COL5A1: variants seen among roughly 807,000 people sequenced by gnomAD.
COL5A1 encodes collagen alpha-1(V) chain.
Under a neutral mutation model 263.7 loss-of-function variants are expected in COL5A1, and 16 were observed. That is an observed-to-expected ratio of 0.06 (90% confidence interval 0.04 to 0.09). The LOEUF is 0.09. Among genes scored for constraint, COL5A1 ranks in the 10% least tolerant of loss-of-function variants. COL5A1 has a pLI of 1.00. For missense variants in COL5A1, 2,036 were observed against 2,540.5 expected (o/e 0.80, Z 4.27); for synonymous variants, 1,012 against 1,004.5 (o/e 1.01, Z -0.14).
intron 7 of COL5A1, among the ~76,000 whole-genome samples, chr9:134,731,227 G>A (rs1036680796): frequency 6.6e-6 from 1 of 152,226 alleles, no homozygotes; most frequent in South Asian, 2.1e-4. Flanking sequence ...GCTGTGGGGT[G>A]CAGCCCCTGC....
chr9:134,732,066 C>T lies in COL5A1; in HGVS notation c.1333-5C>T. ...CTCTTTCCATCTGCCTTTTATCACC[C>T]CCAGATTGGAGGACCTCGGGGCGAG... On this transcript the variant is annotated splice_polypyrimidine_tract_variant and splice_region_variant and intron_variant, in intron 8 of 65. Transcript: ENST00000371817. 1.2e-6 allele frequency: 2 copies of T among 1,614,042 alleles called. No individual in the cohort carries two copies. Among genetic ancestry groups the T allele is most frequent in the South Asian group, 1.1e-5 (1 of 91,072 alleles).
chr9:134,645,805 T>C (rs1481203051), intron 1 of COL5A1, among the ~76,000 whole-genome samples: 1 of 152,214 alleles, frequency 6.6e-6, no homozygotes, highest in Admixed American at 6.5e-5. Context: ...CATCGGTTTA[T>C]CAGCTCTCCC....
chr9:134,664,483 T>C (rs1261893762), intron 1 of COL5A1, among the ~76,000 whole-genome samples: 4 of 152,198 alleles, frequency 2.6e-5, no homozygotes, highest in Non-Finnish European at 5.9e-5. Context: ...GAACTCCCAC[T>C]GATCAGTCAG....
rs1588519381 is a variant in COL5A1, at chr9:134,761,809, T to G, written c.1936-116T>G. On this transcript the variant is annotated intron_variant, in intron 18 of 65. Transcript: ENST00000371817. ...GGAAAATTCCCCCATTCTGGAAGGG[T>G]CTTTTGAGAGCTTGGGAATCTTACT... The G allele has an allele frequency of 8.1e-5, 85 of 1,046,866 alleles. 1 individual carries two copies. In the South Asian group the frequency reaches 9.2e-4, roughly 11 times the overall value. The allele number at this position is 1,046,866 out of a possible 1,614,324, so 64.8% of individuals were successfully genotyped here. A position where few individuals can be genotyped will look rare whatever the true frequency, so the allele number is the denominator to read the frequency against.
chr9:134,642,336 C>A lies in COL5A1; in HGVS notation c.109+40C>A, dbSNP rs927940001. On this transcript the variant is annotated intron_variant, in intron 1 of 65. Transcript: ENST00000371817. The surrounding 1 kb of genome is among the most constrained non-coding windows in gnomAD (Gnocchi z 4.5). ...GGGCGCGGGGCTGCGGGATGGGGCG[C>A]GCGCAGCCCGGGCGCCGCTGTCATC... 6 of 553,198 alleles carry A rather than the reference C, an allele frequency of 1.1e-5. No individual in the cohort carries two copies. Among genetic ancestry groups the A allele is most frequent in the Non-Finnish European group, 1.5e-5 (6 of 397,980 alleles). 34.3% of individuals were successfully genotyped at this position (553,198 alleles called of 1,614,324 possible).
intron 30 of COL5A1, 143 bp downstream of exon 30, chr9:134,785,239 TTC>T: frequency 1.5e-6 from 1 of 645,764 alleles, no homozygotes; most frequent in South Asian, 1.9e-5. Flanking sequence ...CCACCCTGGG[TTC>T]TCTCTGCTGT....
intron 31 of COL5A1, among the ~76,000 whole-genome samples, chr9:134,788,492 G>T (rs939636944): frequency 7.6e-6 from 1 of 132,188 alleles, no homozygotes; most frequent in African/African-American, 2.8e-5. Flanking sequence ...GGATAGGTGG[G>T]TGAATGGATG....
At chr9:134,748,844 T>A (rs7035108) in intron 11 of COL5A1, among the ~76,000 whole-genome samples, 8,600 of 152,076 alleles carry the variant, frequency 0.057, 800 homozygotes, top group African/African-American at 0.2. Context: ...AAACAAGGAG[T>A]CCATTGTGCC....
chr9:134,778,689 G>T (rs114545633), intron 27 of COL5A1, among the ~76,000 whole-genome samples: 71 of 152,234 alleles, frequency 4.7e-4, no homozygotes, highest in Non-Finnish European at 8.2e-4. Context: ...TGTGCTGGGC[G>T]TAGAGGGAGG....
chr9:134,651,378 G>A (rs1293314228), intron 1 of COL5A1, among the ~76,000 whole-genome samples: 3 of 152,122 alleles, frequency 2.0e-5, no homozygotes, highest in South Asian at 2.1e-4. Context: ...GTGGTGGTTC[G>A]TGCTTGTGGT....
chr9:134,699,879 C>G, intron 2 of COL5A1, 30 bp from the exon 3 acceptor site: 1 of 1,609,366 alleles, frequency 6.2e-7, no homozygotes, highest in Non-Finnish European at 8.5e-7. Context: ...GGCTCCCCGA[C>G]TGCCTTCTCA....
Position 134,738,415 on chromosome 9 carries a change from G to A in COL5A1, c.1390-59G>A, listed in dbSNP as rs1043849473. On this transcript the variant is annotated intron_variant, in intron 9 of 65. Transcript: ENST00000371817. The stretch of plus-strand genomic sequence containing the variant: ...GCTGAAGGCCGTCCACACCACTGGG[G>A]TCTGGGGTGTCGGGAGGGATGGGCT... The A allele has an allele frequency of 1.6e-5, 26 of 1,596,974 alleles. 1 individual carries two copies. In the South Asian group the frequency reaches 2.6e-4, roughly 16 times the overall value.
At chr9:134,836,137 C>T (rs1371249294) in intron 65 of COL5A1, among the ~76,000 whole-genome samples, 1 of 152,190 alleles carries the variant, frequency 6.6e-6, no homozygotes, top group Non-Finnish European at 1.5e-5. Context: ...AAAGGCACGC[C>T]TGAGGCCGGG....
rs2132944447 is a variant in COL5A1, at chr9:134,842,837, G to A, written c.*534G>A. 1 of 171,592 alleles carries A rather than the reference G, an allele frequency of 5.8e-6. No homozygotes were observed. The highest frequency in any genetic ancestry group is 1.6e-4 in the East Asian group (1 of 6,254). The allele number at this position is 171,592 out of a possible 1,614,324, so 10.6% of individuals were successfully genotyped here. A position where few individuals can be genotyped will look rare whatever the true frequency, so the allele number is the denominator to read the frequency against. ...AGAGGCCAAATGTCATTCTGCAGGT[G>A]CCTTCCCGATGGATTAAAGGTGCTT... On this transcript the variant is annotated 3_prime_UTR_variant, in exon 66 of 66. Coordinates refer to ENST00000371817, the MANE Select transcript of COL5A1 (RefSeq NM_000093.5). The surrounding 1 kb of genome is among the most constrained non-coding windows in gnomAD (Gnocchi z 5.8).
At chr9:134,704,053 A>G (rs144498506) in intron 4 of COL5A1, among the ~76,000 whole-genome samples, 1 of 152,188 alleles carries the variant, frequency 6.6e-6, no homozygotes, top group African/African-American at 2.4e-5. Flanking sequence ...ATCTTTAAAA[A>G]ATTAGGATCC....
chr9:134,826,016 A>C, intron 63 of COL5A1, 112 bp downstream of exon 63: 1 of 669,122 alleles, frequency 1.5e-6, no homozygotes, highest in Non-Finnish European at 2.7e-6. Context: ...AAAGCCAGAA[A>C]TGAATCCGTT....
At chr9:134,795,194 G>T in intron 33 of COL5A1, 68 bp downstream of exon 33, 3 of 1,612,954 alleles carry the variant, frequency 1.9e-6, no homozygotes, top group South Asian at 1.1e-5. Flanking sequence ...CACGTGCCAG[G>T]GGCTGGGGGA....
At chr9:134,777,967 C>T (rs1039333832) in intron 27 of COL5A1, among the ~76,000 whole-genome samples, 1 of 152,216 alleles carries the variant, frequency 6.6e-6, no homozygotes, top group Non-Finnish European at 1.5e-5. Context: ...AGGAAATAAG[C>T]AGAATCCAAA....
intron 65 of COL5A1, among the ~76,000 whole-genome samples, chr9:134,837,385 C>G (rs1236924017): frequency 1.3e-5 from 2 of 151,926 alleles, no homozygotes; most frequent in Non-Finnish European, 2.9e-5. Flanking sequence ...CACGAAGGAC[C>G]CTTGGAGGTT....
Sources: gnomAD v4.1 joint callset for allele counts (sites outside exome capture counted in the v4.1 genomes callset) on GRCh38, gnomAD v4.1.1 for gene constraint, Gnocchi (gnomAD v3.1) non-coding constraint, MANE v1.5 for transcripts, NCBI Gene and HGNC (gene_info 2026-07-23, HGNC 2026-07-21) for gene names.